Variants in LRRIQ1 observed in about 807,000 individuals in gnomAD.
The protein encoded by LRRIQ1 is leucine rich repeats and IQ motif containing 1, also known as leucine-rich repeat- and IQ domain-containing protein 1.
Under a neutral mutation model 211.9 loss-of-function variants are expected in LRRIQ1, and 210 were observed. The ratio of observed to expected loss-of-function variants is 0.99; its 90% confidence interval spans 0.89 to 1.11. LRRIQ1 has a LOEUF of 1.11. Ranked by LOEUF, LRRIQ1 falls within the 50% of genes most tolerant of loss-of-function variation. The pLI is 0.00. For synonymous variants in LRRIQ1, 699 were observed against 650.1 expected, an observed-to-expected ratio of 1.08 and a Z score of -1.14; for missense variants, 2,136 against 1,939.5, an observed-to-expected ratio of 1.10 and a Z score of -1.90.
Position 85,124,331 on chromosome 12 carries a change from C to T in LRRIQ1, c.3819C>T (p.Ser1273=). The T allele has an allele frequency of 6.2e-7, 1 of 1,614,010 alleles. No homozygotes were observed. Among genetic ancestry groups the T allele is most frequent in the Non-Finnish European group, 8.5e-7 (1 of 1,180,018 alleles). ...AGAAATGGATGGACTCTGTCTCCAG[C>T]CACTCCCCATTAAGCAAATCCGCCA... The part of the protein sequence containing the change: ...IPEKWMDSVS[S]HSPLSKSATC... The change falls in exon 17 of 27, where the codon AGC becomes AGT. Residue 1273 remains serine, a synonymous_variant. Coordinates refer to ENST00000393217, the MANE Select transcript of LRRIQ1 (RefSeq NM_001079910.2).
chr12:85,080,760 A>G (rs1034481235), intron 11 of LRRIQ1, among the ~76,000 whole-genome samples: 9 of 151,676 alleles, frequency 5.9e-5, no homozygotes, highest in Non-Finnish European at 1.2e-4. Context: ...CGTGTTCAGC[A>G]AAGTTTTTTT....
intron 24 of LRRIQ1, among the ~76,000 whole-genome samples, chr12:85,175,623 GT>G: frequency 6.6e-6 from 1 of 152,164 alleles, no homozygotes; most frequent in South Asian, 2.1e-4. Context: ...TTCTTCTAGG[GT>G]TTTTATGGTT....
chr12:85,139,254 A>G (rs1171262283), intron 19 of LRRIQ1, among the ~76,000 whole-genome samples: 3 of 151,512 alleles, frequency 2.0e-5, no homozygotes, highest in African/African-American at 4.8e-5. Flanking sequence ...CACCCATGCT[A>G]TGTAACAAAA....
downstream of LRRIQ1, chr12:85,264,495 T>C (rs11829796): frequency 2.9e-3 from 435 of 152,208 alleles, 4 homozygotes; most frequent in African/African-American, 9.8e-3. Flanking sequence ...TAGTGCTGTT[T>C]ATTGTGTTCA....
At chr12:85,149,831 A>G (rs1490146439) in intron 19 of LRRIQ1, among the ~76,000 whole-genome samples, 4 of 151,828 alleles carry the variant, frequency 2.6e-5, no homozygotes, top group African/African-American at 7.2e-5. Flanking sequence ...TAGTAGTTAA[A>G]TAATTGTTCT....
chr12:85,067,935 A>G (rs1289204127), intron 10 of LRRIQ1, among the ~76,000 whole-genome samples: 3 of 151,840 alleles, frequency 2.0e-5, no homozygotes, highest in Non-Finnish European at 4.4e-5. Context: ...GTTTGCTTTT[A>G]CCTCTTATCA....
chr12:85,226,827 C>G (rs1197095822), intron 24 of LRRIQ1, among the ~76,000 whole-genome samples: 1 of 151,864 alleles, frequency 6.6e-6, no homozygotes, highest in East Asian at 1.9e-4. Context: ...TGGTTTCCAG[C>G]TGCATCCATG....
intron 24 of LRRIQ1, among the ~76,000 whole-genome samples, chr12:85,224,455 A>G (rs906425906): frequency 6.6e-6 from 1 of 152,186 alleles, no homozygotes; most frequent in African/African-American, 2.4e-5. Context: ...TTGCAGCACT[A>G]TTCACAATAG....
intron 26 of LRRIQ1, among the ~76,000 whole-genome samples, chr12:85,240,325 T>G (rs539721728): frequency 6.6e-6 from 1 of 152,184 alleles, no homozygotes; most frequent in Non-Finnish European, 1.5e-5. Flanking sequence ...TTGACAAGTA[T>G]GCAGAGCAAC....
chr12:85,174,975 G>C (rs946651225), intron 24 of LRRIQ1, among the ~76,000 whole-genome samples: 58 of 152,128 alleles, frequency 3.8e-4, no homozygotes, highest in Non-Finnish European at 2.4e-4. Flanking sequence ...CAATGGGTCA[G>C]TTATCTAAAA....
intron 24 of LRRIQ1, among the ~76,000 whole-genome samples, chr12:85,169,465 A>C (rs2136796037): frequency 6.6e-6 from 1 of 152,294 alleles, no homozygotes; most frequent in East Asian, 1.9e-4. Flanking sequence ...CTTTGAATAA[A>C]AGCTGGACTT....
chr12:85,065,328 CT>C lies in LRRIQ1; in HGVS notation c.2460del (p.Gln821SerfsTer10). 6.2e-7 allele frequency: 1 copy of C among 1,611,126 alleles called. No individual in the cohort carries two copies. Among genetic ancestry groups the C allele is most frequent in the Non-Finnish European group, 8.5e-7 (1 of 1,178,024 alleles). On this transcript the variant is annotated frameshift_variant, in exon 9 of 27. Transcript: ENST00000393217. LOFTEE classifies it high-confidence loss of function. ...VLSTLAECTN[L>X]QFLSLRRCGL... is the part of the protein sequence containing the mutation. ...CTCCACACTGGCAGAGTGTACAAAT[CT>C]TCAGTTTCTATCCCTTCGACGCTGT...
At chr12:85,174,744 A>G (rs185863017) in intron 24 of LRRIQ1, among the ~76,000 whole-genome samples, 1 of 148,742 alleles carries the variant, frequency 6.7e-6, no homozygotes, top group Non-Finnish European at 1.5e-5. Context: ...AGAAACAGAG[A>G]ATAGCAGCAA....
At position 85,235,392 on chromosome 12, in the gene LRRIQ1, C is replaced by T. The variant is rs373917592; in HGVS notation, c.5016+2636C>T. On this transcript the variant is annotated intron_variant, in intron 26 of 26. Transcript: ENST00000393217. ...GTTTATTCAGCAGAGCTTTCCAAAA[C>T]GACTCCTGTGAGAGATGAAAGAAGC... is the stretch of plus-strand genomic sequence containing the variant. Among the ~76,000 whole-genome samples, 24 of 152,226 alleles carry T rather than the reference C, an allele frequency of 1.6e-4. No homozygotes were observed. In the East Asian group the frequency reaches 3.1e-3, roughly 20 times the overall value.
intron 11 of LRRIQ1, among the ~76,000 whole-genome samples, chr12:85,094,964 A>C (rs892346226): frequency 2.6e-5 from 4 of 152,048 alleles, no homozygotes; most frequent in Admixed American, 2.6e-4. Context: ...TTCTACATTG[A>C]TTTTGTATCC....
In LRRIQ1 at chr12:85,098,961, C is replaced by A; in HGVS notation, c.3176C>A (p.Pro1059His). 1 of 1,570,000 alleles carries A rather than the reference C, an allele frequency of 6.4e-7. No individual in the cohort carries two copies. Among genetic ancestry groups the A allele is most frequent in the Non-Finnish European group, 8.7e-7 (1 of 1,154,426 alleles). ...TVEAFSSYWL[P>H]LLQNITISQN... ...GAAGCATTTTCTTCATACTGGCTGC[C>A]TTTACTACAAAATATTACTATCTCT... The change falls in exon 13 of 27, where the codon CCT (proline) becomes CAT (histidine). Residue 1059 changes from proline to histidine, a missense_variant. By Grantham distance (77) the Pro-to-His change is moderately conservative. Coordinates refer to ENST00000393217, the MANE Select transcript of LRRIQ1 (RefSeq NM_001079910.2).
chr12:85,071,921 G>T lies in LRRIQ1; in HGVS notation c.2696-986G>T, dbSNP rs116905272. On this transcript the variant is annotated intron_variant, in intron 10 of 26. Coordinates refer to ENST00000393217, the MANE Select transcript of LRRIQ1 (RefSeq NM_001079910.2). ...CGTGTGGGGATTATTACAATTCAAGGTGAGATATGGGTGGGGACACAACCA... is the reference window on the plus strand; with the variant it reads ...CGTGTGGGGATTATTACAATTCAAGTTGAGATATGGGTGGGGACACAACCA... 1.0e-3 allele frequency among the ~76,000 whole-genome samples: 156 copies of T among 152,102 alleles called. 2 individuals carry two copies. The East Asian group carries it at 0.028, about 27-fold the overall frequency.
rs984514021 is a variant in LRRIQ1 at position 85,135,147 on chromosome 12, C to T, written c.4210-2703C>T. On this transcript the variant is annotated intron_variant, in intron 18 of 26. Transcript: ENST00000393217. ...AAGTCTTTTATTATACAGCAACTCC[C>T]TTCTTTTTCTTGCAATTTATTTATT... 1.3e-4 allele frequency among the ~76,000 whole-genome samples: 20 copies of T among 152,048 alleles called. No homozygotes were observed. In the East Asian group the frequency reaches 2.9e-3, roughly 22 times the overall value.
intron 24 of LRRIQ1, among the ~76,000 whole-genome samples, chr12:85,200,818 AT>A (rs746913040): frequency 1.3e-5 from 2 of 148,998 alleles, no homozygotes; most frequent in African/African-American, 2.5e-5. Flanking sequence ...ATGGCTTAGC[AT>A]TTTTTTTTCT....
Sources: allele counts gnomAD v4.1 joint callset (sites outside exome capture counted in the v4.1 genomes callset), GRCh38; gene constraint gnomAD v4.1.1; transcripts MANE v1.5; gene names NCBI Gene and HGNC (gene_info 2026-07-23, HGNC 2026-07-21).